MAPT: variants seen among roughly 807,000 people sequenced by gnomAD.
MAPT encodes microtubule associated protein tau.
In MAPT, 34 loss-of-function variants were observed where a neutral mutation model predicts 67.9. The observed-to-expected ratio is 0.50, with a 90% CI of 0.38 to 0.67. The LOEUF is 0.67. Ranked by LOEUF, MAPT falls within the 30% of genes least tolerant of loss-of-function variation. The probability of loss-of-function intolerance (pLI) is 0.00; values close to 1 mark genes in which losing one functional copy is unlikely to be tolerated. For missense variants in MAPT, 881 were observed against 1,115.2 expected, an observed-to-expected ratio of 0.79 and a Z score of 2.99; for synonymous variants, 456 against 464.5, an observed-to-expected ratio of 0.98 and a Z score of 0.23.
At chr17:45,952,889 A>G (rs1428394564) in intron 1 of MAPT, among the ~76,000 whole-genome samples, 1 of 147,284 alleles carries the variant, frequency 6.8e-6, no homozygotes, top group Non-Finnish European at 1.5e-5. Flanking sequence ...ATGGTCCAGG[A>G]TGAAGGAAGG....
intron 4 of MAPT, among the ~76,000 whole-genome samples, chr17:45,981,812 C>T (rs1469103668): frequency 2.0e-5 from 3 of 151,756 alleles, no homozygotes; most frequent in African/African-American, 7.3e-5. Flanking sequence ...CCCAGGAGTT[C>T]GAGACCAGCC....
Position 45,983,851 on chromosome 17 carries a change from T to C in MAPT, c.1272T>C (p.Ala424=). The change falls in exon 5 of 13, where the codon GCT becomes GCC. Residue 424 remains alanine (A), a synonymous_variant. Transcript: ENST00000262410. ...GPSLGEDTKE[A]DLPEPSEKQP... is the part of the protein sequence containing the mutation. ...CTTTGGGAGAGGACACAAAAGAGGC[T>C]GACCTTCCAGAGCCCTCTGAAAAGC... is the stretch of plus-strand genomic sequence containing the variant. 6.2e-7 allele frequency: 1 copy of C among 1,609,608 alleles called. No homozygotes were observed. Among genetic ancestry groups the C allele is most frequent in the Non-Finnish European group, 8.5e-7 (1 of 1,178,956 alleles).
intron 1 of MAPT, among the ~76,000 whole-genome samples, chr17:45,941,709 T>TCCCC (rs2067983019): frequency 1.9e-5 from 2 of 107,284 alleles, no homozygotes; most frequent in African/African-American, 4.4e-5. Flanking sequence ...CTGCCTGCCT[T>TCCCC]CCTTCCTTCC....
intron 1 of MAPT, chr17:45,895,003 G>C (rs901304432): frequency 9.6e-5 from 15 of 155,920 alleles, no homozygotes; most frequent in Middle Eastern, 3.0e-3. Context: ...ACTTGGGGGA[G>C]GGGGCTGCCC....
Position 45,991,462 on chromosome 17 carries a change from G to T in MAPT, c.1608G>T (p.Gly536=), listed in dbSNP as rs368785842. ...CCTCTATCATGTTTCATTTACAGGG[G>T]GCTGATGGTAAAACGAAGATCGCCA... The part of the protein sequence containing the change: ...SSGAKEMKLK[G]ADGKTKIATP... Residue 536 remains glycine, a splice_region_variant and synonymous_variant, in exon 8 of 13, where the codon GGG becomes GGT. Coordinates refer to ENST00000262410, the MANE Select transcript of MAPT (RefSeq NM_001377265.1). The T allele has an allele frequency of 9.3e-6, 15 of 1,614,100 alleles. No homozygotes were observed. The highest frequency in any genetic ancestry group is 1.3e-5 in the Non-Finnish European group (15 of 1,180,054).
At chr17:46,015,363 T>TA (rs72169174) in intron 11 of MAPT, among the ~76,000 whole-genome samples, 1 of 130,110 alleles carries the variant, frequency 7.7e-6, no homozygotes, top group Non-Finnish European at 1.6e-5. Context: ...GTCTCAAAAA[T>TA]AAAAATAAAA....
intron 1 of MAPT, among the ~76,000 whole-genome samples, chr17:45,929,791 A>G (rs951871758): frequency 2.0e-5 from 3 of 152,114 alleles, no homozygotes; most frequent in Admixed American, 6.5e-5. Flanking sequence ...TGTTCTGATG[A>G]TTTATTCTTC....
intron 2 of MAPT, among the ~76,000 whole-genome samples, chr17:45,966,823 A>G (rs946776098): frequency 1.3e-5 from 2 of 152,242 alleles, no homozygotes; most frequent in Non-Finnish European, 2.9e-5. Flanking sequence ...TACTGTATAT[A>G]AAAATGCAAA....
chr17:45,923,831 C>T lies in MAPT; in HGVS notation c.-18+29145C>T, dbSNP rs73984640. Reference sequence around the variant, plus strand: ...GCCTGGGTTCAAAGCGCAGCTCTGCCAGGTCCTAACTGCATGAATTTGGGC... The same window carrying T: ...GCCTGGGTTCAAAGCGCAGCTCTGCTAGGTCCTAACTGCATGAATTTGGGC... On this transcript the variant is annotated intron_variant, in intron 1 of 12. Coordinates refer to ENST00000262410, the MANE Select transcript of MAPT (RefSeq NM_001377265.1). Among the ~76,000 whole-genome samples the T allele has an allele frequency of 6.4e-3, 981 of 152,286 alleles. 8 individuals are homozygous for T. Among genetic ancestry groups the T allele is most frequent in the African/African-American group, 0.022 (924 of 41,546 alleles).
intron 1 of MAPT, among the ~76,000 whole-genome samples, chr17:45,919,537 A>AG (rs2065499424): frequency 6.6e-6 from 1 of 152,098 alleles, no homozygotes; most frequent in African/African-American, 2.4e-5. Flanking sequence ...TCTCCTTTAC[A>AG]TGTTTCTACC....
At chr17:45,966,307 A>T (rs929780719) in intron 2 of MAPT, among the ~76,000 whole-genome samples, 5 of 152,170 alleles carry the variant, frequency 3.3e-5, no homozygotes, top group Non-Finnish European at 7.3e-5. Context: ...ACTCCAGGAG[A>T]CCAGGTACGG....
At chr17:45,963,386 A>C (rs1418476992) in intron 2 of MAPT, among the ~76,000 whole-genome samples, 3 of 152,100 alleles carry the variant, frequency 2.0e-5, no homozygotes, top group African/African-American at 4.8e-5. Context: ...CCACTGCTGG[A>C]GTGCCAGGTT....
intron 1 of MAPT, among the ~76,000 whole-genome samples, chr17:45,928,503 G>C (rs193096120): frequency 6.6e-6 from 1 of 152,064 alleles, no homozygotes. Context: ...GGCAAGGACC[G>C]TACCACTGTA....
At chr17:45,990,121 T>C (rs2073944326) in intron 7 of MAPT, 46 bp downstream of exon 7, 2 of 1,573,578 alleles carry the variant, frequency 1.3e-6, no homozygotes. Flanking sequence ...CTGCTGTGGT[T>C]TGCAAATGTG....
chr17:46,012,881 C>T (rs2075914811), intron 10 of MAPT, among the ~76,000 whole-genome samples: 1 of 151,934 alleles, frequency 6.6e-6, no homozygotes. Context: ...GGCCTCAGAG[C>T]ACAGCTCTCT....
chr17:45,921,053 A>T (rs1274702813), intron 1 of MAPT, among the ~76,000 whole-genome samples: 1 of 152,248 alleles, frequency 6.6e-6, no homozygotes, highest in East Asian at 1.9e-4. Context: ...TCTGACTGCC[A>T]AAGTTTTTAC....
intron 2 of MAPT, among the ~76,000 whole-genome samples, chr17:45,967,922 G>A (rs1456995474): frequency 6.6e-6 from 1 of 151,908 alleles, no homozygotes; most frequent in African/African-American, 2.4e-5. Flanking sequence ...CATGACCCTG[G>A]CCAGTTCCTC....
At chr17:46,022,209 GC>G (rs2076569240) in intron 12 of MAPT, among the ~76,000 whole-genome samples, 1 of 152,038 alleles carries the variant, frequency 6.6e-6, no homozygotes, top group East Asian at 1.9e-4. Context: ...ACAAAAATTA[GC>G]TGGGTGTGGT....
chr17:45,914,615 G>T (rs371474105), intron 1 of MAPT, among the ~76,000 whole-genome samples: 2 of 152,332 alleles, frequency 1.3e-5, no homozygotes, highest in South Asian at 4.1e-4. Flanking sequence ...GAATGAGAAT[G>T]CAGTTTCAGT....
Sources: gnomAD v4.1 joint callset for allele counts (sites outside exome capture counted in the v4.1 genomes callset) on GRCh38, gnomAD v4.1.1 for gene constraint, MANE v1.5 for transcripts, NCBI Gene and HGNC (gene_info 2026-07-23, HGNC 2026-07-21) for gene names.